Variants in CDH3 observed in about 807,000 individuals in gnomAD.
CDH3 encodes cadherin-3.
In CDH3, 54 loss-of-function variants were observed where a neutral mutation model predicts 82.0. The ratio of observed to expected loss-of-function variants is 0.66; its 90% CI spans 0.53 to 0.83. CDH3 has a LOEUF of 0.83. CDH3 is among the 40% of genes least tolerant of loss of function. The pLI is 0.00. For synonymous variants in CDH3, 446 were observed against 437.9 expected (o/e 1.02, Z -0.23); for missense variants, 1,054 against 1,084.6 (o/e 0.97, Z 0.40).
rs1414442236 is a variant in CDH3 at position 68,686,477 on chromosome 16, T to C, written c.1571-1035T>C. 11 of 1,225,928 alleles carry C rather than the reference T, an allele frequency of 9.0e-6. No homozygotes were observed. The East Asian group carries it at 1.9e-4, about 21-fold the overall frequency. 75.9% of individuals were successfully genotyped at this position (1,225,928 alleles called of 1,614,324 possible). A position where few individuals can be genotyped will look rare whatever the true frequency, so the allele number is the denominator to read the frequency against. On this transcript the variant is annotated intron_variant, in intron 11 of 15. Coordinates refer to ENST00000264012, the MANE Select transcript of CDH3 (RefSeq NM_001793.6). ...CTGTAACCAAAGGAGGCATTATGGG[T>C]CCAGAAAAATCTCAAGGAAAAGTAT...
chr16:68,713,297 A>C (rs1458016304), intron 1 of CDH3, among the ~76,000 whole-genome samples: 2 of 152,030 alleles, frequency 1.3e-5, no homozygotes, highest in African/African-American at 4.8e-5. Context: ...ATAAAGGGGG[A>C]AAAAGTTCCC....
At chr16:68,726,295 C>A (rs1962218456) in intron 2 of CDH3, among the ~76,000 whole-genome samples, 1 of 152,174 alleles carries the variant, frequency 6.6e-6, no homozygotes, top group African/African-American at 2.4e-5. Flanking sequence ...GCCCTGGTCA[C>A]CTGCTCCCCT....
downstream of CDH3, among the ~76,000 whole-genome samples, chr16:68,702,696 C>T (rs1961911445): frequency 6.6e-6 from 1 of 152,008 alleles, no homozygotes; most frequent in Admixed American, 6.6e-5. Context: ...GAAACCCCGT[C>T]TCTACTAAAA....
intron 2 of CDH3, among the ~76,000 whole-genome samples, chr16:68,673,300 C>T (rs1960937579): frequency 6.6e-6 from 1 of 152,116 alleles, no homozygotes; most frequent in East Asian, 1.9e-4. Flanking sequence ...TGTACCATTT[C>T]AACCATTTTT....
downstream of CDH3, among the ~76,000 whole-genome samples, chr16:68,701,821 C>T (rs1190628294): frequency 2.0e-5 from 3 of 150,796 alleles, no homozygotes; most frequent in African/African-American, 4.9e-5. Context: ...GTCAGGAGTT[C>T]GAGACCAGCC....
rs1243916831 is a variant in CDH3, at chr16:68,699,354, C to T, written c.*954C>T. On this transcript the variant is annotated 3_prime_UTR_variant, in exon 16 of 16. Coordinates refer to ENST00000264012, the MANE Select transcript of CDH3 (RefSeq NM_001793.6). ...AGGCTGAGCCCCTCCACAGCCCCAG[C>T]AAGGTCTCTTCTGGAACAGCGGCTG... 6.6e-6 allele frequency: 1 copy of T among 152,358 alleles called. No homozygotes were observed. The highest frequency in any genetic ancestry group is 6.6e-5 in the Admixed American group (1 of 15,256). 9.4% of individuals were successfully genotyped at this position (152,358 alleles called of 1,614,324 possible).
At chr16:68,698,141 G>A (rs1434580834) in intron 15 of CDH3, 50 bp from the exon 16 acceptor site, 3 of 1,556,640 alleles carry the variant, frequency 1.9e-6, no homozygotes, top group Non-Finnish European at 2.7e-6. Flanking sequence ...CTTGCAGCTG[G>A]CAAGAGGCAG....
Position 68,715,076 on chromosome 16 carries a change from C to T in CDH3, c.100-7349C>T, listed in dbSNP as rs530005697. On this transcript the variant is annotated intron_variant, in intron 1 of 2. Transcript: ENST00000569080. ...TAGCTCCATTTTACGGAGGGGCAAA[C>T]CAAAGTCAGAGAAGTTCTAAACTTG... is the stretch of plus-strand genomic sequence containing the variant. Among the ~76,000 whole-genome samples the T allele has an allele frequency of 2.0e-5, 3 of 152,098 alleles. No homozygotes were observed. The East Asian group carries it at 5.8e-4, about 29-fold the overall frequency.
intron 12 of CDH3, among the ~76,000 whole-genome samples, chr16:68,688,975 A>G (rs1458684591): frequency 1.3e-5 from 2 of 152,228 alleles, no homozygotes; most frequent in African/African-American, 4.8e-5. Context: ...AATAAAAAGC[A>G]TAAGCATTAT....
intron 1 of CDH3, among the ~76,000 whole-genome samples, chr16:68,709,242 A>G (rs1961999484): frequency 6.6e-6 from 1 of 151,842 alleles, no homozygotes; most frequent in Non-Finnish European, 1.5e-5. Flanking sequence ...CCCCCAGCTG[A>G]TTTTTTGTTT....
chr16:68,685,354 A>T lies in CDH3; in HGVS notation c.1570+4A>T. 1 of 1,613,926 alleles carries T rather than the reference A, an allele frequency of 6.2e-7. No individual in the cohort carries two copies. Among genetic ancestry groups the T allele is most frequent in the Non-Finnish European group, 8.5e-7 (1 of 1,179,982 alleles). On this transcript the variant is annotated splice_donor_region_variant and intron_variant, in intron 11 of 15. Transcript: ENST00000264012. Reference sequence around the variant, plus strand: ...ATGGTCTTGGCCATGGACAATGGTGAGAGCATCCTCCCAGCCCTCCCACAA... The same window carrying T: ...ATGGTCTTGGCCATGGACAATGGTGTGAGCATCCTCCCAGCCCTCCCACAA...
At chr16:68,722,756 A>G (rs76734144) in intron 2 of CDH3, 7,450 of 152,360 alleles carry the variant, frequency 0.049, 416 homozygotes, top group African/African-American at 0.14. Flanking sequence ...CTTTGTGGAC[A>G]GTGGAGGGAG....
At chr16:68,652,650 A>C (rs1375852104) in intron 2 of CDH3, among the ~76,000 whole-genome samples, 1 of 151,634 alleles carries the variant, frequency 6.6e-6, no homozygotes, top group African/African-American at 2.4e-5. Context: ...CAAACTTAAA[A>C]CCCCTGTGTT....
At chr16:68,680,839 A>T (rs1348089547) in intron 7 of CDH3, 129 bp from the exon 8 acceptor site, 1 of 1,006,344 alleles carries the variant, frequency 9.9e-7, no homozygotes, top group Non-Finnish European at 1.6e-6. Context: ...GTGGTCAAGG[A>T]GTCAGCGTTA....
intron 9 of CDH3, 54 bp downstream of exon 9, chr16:68,682,541 A>C: frequency 6.5e-7 from 1 of 1,549,526 alleles, no homozygotes. Flanking sequence ...TCAGGTCTGC[A>C]GCCTTCAGGA....
intron 2 of CDH3, among the ~76,000 whole-genome samples, chr16:68,667,956 A>G (rs1442522172): frequency 2.0e-5 from 3 of 152,208 alleles, no homozygotes; most frequent in South Asian, 2.1e-4. Context: ...ATTTCTCTAG[A>G]AGCAGCCTCA....
In CDH3 at chr16:68,681,752, C is replaced by T. The variant is rs907823507; in HGVS notation, c.997-550C>T. On this transcript the variant is annotated intron_variant, in intron 8 of 15. Coordinates refer to ENST00000264012, the MANE Select transcript of CDH3 (RefSeq NM_001793.6). The stretch of plus-strand genomic sequence containing the variant: ...ACTTGGGAAGCTGAGACATGAGGAT[C>T]GCTTGAGCTTGGGAGGTGGAGGTTG... Among the ~76,000 whole-genome samples the T allele has an allele frequency of 7.9e-5, 12 of 152,124 alleles. No individual in the cohort carries two copies. In the South Asian group the frequency reaches 1.7e-3, roughly 21 times the overall value.
chr16:68,682,177 T>G (rs375616963), intron 8 of CDH3, 125 bp from the exon 9 acceptor site: 1 of 1,057,110 alleles, frequency 9.5e-7, no homozygotes, highest in South Asian at 1.4e-5. Flanking sequence ...CCCCGCAAAG[T>G]GGGTGGGTGG....
Position 68,713,047 on chromosome 16 carries a change from C to G in CDH3, c.100-9378C>G, listed in dbSNP as rs76177867. The stretch of plus-strand genomic sequence containing the variant: ...GCATCCTCCCTTTCTGATCTGTCTC[C>G]CCTCCTCCTGTGATCTCCCCGCCCT... On this transcript the variant is annotated intron_variant, in intron 1 of 2. Coordinates refer to the CDH3 transcript ENST00000569080. Among the ~76,000 whole-genome samples, 101 of 152,180 alleles carry G rather than the reference C, an allele frequency of 6.6e-4. 1 individual carries two copies. The East Asian group carries it at 0.018, about 27-fold the overall frequency.
Sources: gnomAD v4.1 joint callset for allele counts (sites outside exome capture counted in the v4.1 genomes callset) on GRCh38, gnomAD v4.1.1 for gene constraint, MANE v1.5 for transcripts, NCBI Gene and HGNC (gene_info 2026-07-23, HGNC 2026-07-21) for gene names.